ARHGAP26: variants seen among roughly 807,000 people sequenced by gnomAD.
ARHGAP26 encodes the protein Rho GTPase activating protein 26, also known as rho GTPase-activating protein 26.
In ARHGAP26, 38 loss-of-function variants were observed where a neutral mutation model predicts 104.8. The ratio of observed to expected loss-of-function variants is 0.36; its 90% CI spans 0.28 to 0.48. ARHGAP26 has a LOEUF of 0.48. Ranked by LOEUF, ARHGAP26 falls within the 20% of genes least tolerant of loss-of-function variation. ARHGAP26 has a pLI of 0.99. For missense variants in ARHGAP26, 704 were observed against 947.9 expected, an observed-to-expected ratio of 0.74 and a Z score of 3.38; for synonymous variants, 341 against 340.0, an observed-to-expected ratio of 1.00 and a Z score of -0.03.
intron 11 of ARHGAP26, among the ~76,000 whole-genome samples, chr5:142,940,341 TC>T (rs1766059884): frequency 6.6e-6 from 1 of 152,174 alleles, no homozygotes; most frequent in Non-Finnish European, 1.5e-5. Flanking sequence ...ACTTTTAGGT[TC>T]AGGGGTACAT....
chr5:143,120,912 G>C lies in ARHGAP26; in HGVS notation c.1539-76G>C. The C allele has an allele frequency of 2.1e-6, 3 of 1,421,154 alleles. No individual in the cohort carries two copies. In the South Asian group the frequency reaches 4.5e-5, roughly 21 times the overall value. The allele number at this position is 1,421,154 out of a possible 1,614,324, so 88.0% of individuals were successfully genotyped here. A position where few individuals can be genotyped will look rare whatever the true frequency, so the allele number is the denominator to read the frequency against. On this transcript the variant is annotated intron_variant, in intron 17 of 22. Transcript: ENST00000645722. ...TGAGGAGTCTATAAATAGGAAGATA[G>C]GAAGGATACAGGGTGGTTGGTATCT...
intron 18 of ARHGAP26, among the ~76,000 whole-genome samples, chr5:143,125,686 A>G (rs571640947): frequency 9.8e-5 from 15 of 152,346 alleles, no homozygotes; most frequent in East Asian, 3.9e-4. Flanking sequence ...TGTTTACTCA[A>G]TTAAAATTAA....
chr5:143,210,352 G>A (rs909455749), intron 21 of ARHGAP26, among the ~76,000 whole-genome samples: 5 of 152,028 alleles, frequency 3.3e-5, no homozygotes, highest in Non-Finnish European at 5.9e-5. Flanking sequence ...AGGAAAGACC[G>A]TCCCCAGTGA....
chr5:142,854,230 G>A (rs1751988301), intron 1 of ARHGAP26, among the ~76,000 whole-genome samples: 1 of 152,178 alleles, frequency 6.6e-6, no homozygotes, highest in African/African-American at 2.4e-5. Flanking sequence ...TTATTTCTCT[G>A]TTGCTGATAA....
At chr5:143,072,615 A>T (rs987634882) in intron 17 of ARHGAP26, among the ~76,000 whole-genome samples, 3 of 152,262 alleles carry the variant, frequency 2.0e-5, no homozygotes. Context: ...ACATGGATGG[A>T]ACTGAAGAAC....
intron 11 of ARHGAP26, among the ~76,000 whole-genome samples, chr5:142,940,652 T>C (rs1426267486): frequency 6.6e-6 from 1 of 152,238 alleles, no homozygotes; most frequent in Admixed American, 6.5e-5. Context: ...TATGGCTGCA[T>C]AGTATTCCGT....
At chr5:142,948,058 A>G (rs1333494254) in intron 11 of ARHGAP26, among the ~76,000 whole-genome samples, 2 of 152,138 alleles carry the variant, frequency 1.3e-5, no homozygotes, top group African/African-American at 4.8e-5. Flanking sequence ...TTTTGAATGA[A>G]TGGATTTAAA....
chr5:143,035,408 G>A (rs148737125), intron 12 of ARHGAP26, among the ~76,000 whole-genome samples: 53 of 152,310 alleles, frequency 3.5e-4, no homozygotes, highest in African/African-American at 1.3e-3. Flanking sequence ...TGAGACTGGA[G>A]ACTATTATTC....
At chr5:142,856,751 GA>G (rs1752420281) in intron 1 of ARHGAP26, among the ~76,000 whole-genome samples, 1 of 152,094 alleles carries the variant, frequency 6.6e-6, no homozygotes, top group Non-Finnish European at 1.5e-5. Context: ...AAGTAATCTA[GA>G]GATGATTTAA....
intron 17 of ARHGAP26, among the ~76,000 whole-genome samples, chr5:143,079,596 A>G (rs1166875389): frequency 2.0e-5 from 3 of 152,126 alleles, no homozygotes; most frequent in Admixed American, 6.5e-5. Context: ...AACCCTTCTC[A>G]CTGTCAGACC....
At chr5:143,201,999 A>G (rs931365954) in intron 20 of ARHGAP26, among the ~76,000 whole-genome samples, 7 of 152,204 alleles carry the variant, frequency 4.6e-5, no homozygotes, top group African/African-American at 1.2e-4. Context: ...TGATCTGTCT[A>G]ATATCTCAGT....
chr5:142,977,524 G>T (rs1253974530), intron 11 of ARHGAP26, among the ~76,000 whole-genome samples: 1 of 152,172 alleles, frequency 6.6e-6, no homozygotes, highest in Non-Finnish European at 1.5e-5. Flanking sequence ...GCTGCCACAG[G>T]TCAGCCAGGT....
chr5:143,086,952 G>A (rs781695467), intron 17 of ARHGAP26, among the ~76,000 whole-genome samples: 12 of 152,086 alleles, frequency 7.9e-5, no homozygotes, highest in South Asian at 2.1e-4. Context: ...TATTGATATC[G>A]CCCATTTGGT....
At chr5:143,193,649 G>C (rs115305253) in intron 20 of ARHGAP26, among the ~76,000 whole-genome samples, 1 of 152,170 alleles carries the variant, frequency 6.6e-6, no homozygotes, top group African/African-American at 2.4e-5. Flanking sequence ...AAGAGAAGCC[G>C]TAAAGTGCTT....
At chr5:142,821,481 C>T (rs1425238195) in intron 1 of ARHGAP26, among the ~76,000 whole-genome samples, 1 of 151,930 alleles carries the variant, frequency 6.6e-6, no homozygotes, top group African/African-American at 2.4e-5. Context: ...ATTATAGTCT[C>T]AGAGTCATCT....
intron 10 of ARHGAP26, 123 bp downstream of exon 10, chr5:142,913,416 C>T: frequency 2.6e-6 from 2 of 755,248 alleles, no homozygotes; most frequent in East Asian, 2.7e-5. Context: ...TCCTTTCCTT[C>T]TCCCCCTGCC....
intron 1 of ARHGAP26, chr5:142,859,485 G>A (rs1752945801): frequency 6.6e-6 from 1 of 152,096 alleles, no homozygotes; most frequent in Admixed American, 6.5e-5. Flanking sequence ...TAAAAAGGAA[G>A]AATTAAAATT....
At chr5:143,113,174 C>A (rs556164698) in intron 17 of ARHGAP26, among the ~76,000 whole-genome samples, 1 of 152,158 alleles carries the variant, frequency 6.6e-6, no homozygotes, top group African/African-American at 2.4e-5. Flanking sequence ...AATACCTCTG[C>A]GTTAGATTGC....
intron 14 of ARHGAP26, among the ~76,000 whole-genome samples, chr5:143,048,207 T>C (rs1222529787): frequency 6.6e-6 from 1 of 152,176 alleles, no homozygotes; most frequent in African/African-American, 2.4e-5. Context: ...ATTTTCAATA[T>C]GTTTTGTAAG....
Sources: gnomAD v4.1 joint callset for allele counts (sites outside exome capture counted in the v4.1 genomes callset) on GRCh38, gnomAD v4.1.1 for gene constraint, MANE v1.5 for transcripts, NCBI Gene and HGNC (gene_info 2026-07-23, HGNC 2026-07-21) for gene names.